EXOC4: variants seen among roughly 807,000 people sequenced by gnomAD.
EXOC4 encodes the protein SEC8-like 1.
EXOC4 carries 71 observed loss-of-function variants against 107.2 expected under a neutral mutation model. That is an observed-to-expected ratio of 0.66 (90% confidence interval 0.55 to 0.81). EXOC4 has a LOEUF of 0.81. Ranked by LOEUF, EXOC4 falls within the 30% of genes least tolerant of loss-of-function variation. The probability of loss-of-function intolerance (pLI) is 0.00; values close to 1 mark genes in which losing one functional copy is unlikely to be tolerated. For synonymous variants in EXOC4, 456 were observed against 441.2 expected (o/e 1.03, Z -0.42); for missense variants, 1,108 against 1,189.6 (o/e 0.93, Z 1.01).
intron 17 of EXOC4, among the ~76,000 whole-genome samples, chr7:134,045,880 C>A (rs1795638593): frequency 6.6e-6 from 1 of 152,120 alleles, no homozygotes; most frequent in African/African-American, 2.4e-5. Flanking sequence ...AATATTTAGT[C>A]TTTTGCGGCT....
intron 3 of EXOC4, among the ~76,000 whole-genome samples, chr7:133,301,723 C>T (rs1170386044): frequency 6.6e-6 from 1 of 152,076 alleles, no homozygotes; most frequent in East Asian, 1.9e-4. Context: ...TATTTCTATT[C>T]ACAAACAGTT....
At chr7:134,084,432 C>G in the EXOC4 span, among the ~76,000 whole-genome samples, 1 of 152,116 alleles carries the variant, frequency 6.6e-6, no homozygotes, top group Non-Finnish European at 1.5e-5. Flanking sequence ...GGTGGGGCAC[C>G]ATCAAGGCAA....
chr7:133,661,530 T>C (rs1296247095), intron 10 of EXOC4, among the ~76,000 whole-genome samples: 3 of 152,050 alleles, frequency 2.0e-5, no homozygotes, highest in African/African-American at 7.2e-5. Flanking sequence ...TGCTTATCGT[T>C]AGGGGCTGTA....
chr7:133,712,800 G>A (rs1024456396), intron 10 of EXOC4, among the ~76,000 whole-genome samples: 17 of 152,190 alleles, frequency 1.1e-4, no homozygotes, highest in African/African-American at 4.1e-4. Context: ...ACCAATACAT[G>A]CTACAACACG....
At chr7:133,581,858 GGAAA>G (rs1801284226) in intron 9 of EXOC4, among the ~76,000 whole-genome samples, 2 of 151,988 alleles carry the variant, frequency 1.3e-5, no homozygotes, top group African/African-American at 4.8e-5. Flanking sequence ...AGAGGCCTCA[GGAAA>G]CTGAGGCCTC....
chr7:133,482,283 C>G (rs1314336190), intron 9 of EXOC4, among the ~76,000 whole-genome samples: 1 of 152,160 alleles, frequency 6.6e-6, no homozygotes, highest in Admixed American at 6.5e-5. Context: ...ACATGCCCAC[C>G]TTCCTCCAGT....
intron 14 of EXOC4, among the ~76,000 whole-genome samples, chr7:133,942,706 G>A (rs1050981630): frequency 4.6e-5 from 7 of 152,054 alleles, no homozygotes; most frequent in African/African-American, 1.4e-4. Flanking sequence ...CGTTCATGCC[G>A]TATTCCTATT....
intron 5 of EXOC4, among the ~76,000 whole-genome samples, chr7:133,334,578 C>A (rs1481889495): frequency 6.6e-6 from 1 of 152,112 alleles, no homozygotes; most frequent in Non-Finnish European, 1.5e-5. Context: ...ACTCTAAGTT[C>A]AGGGGTACAT....
At chr7:133,394,946 A>C (rs1796937813) in intron 7 of EXOC4, among the ~76,000 whole-genome samples, 1 of 151,852 alleles carries the variant, frequency 6.6e-6, no homozygotes, top group Non-Finnish European at 1.5e-5. Flanking sequence ...AACTATAAAA[A>C]TATGAAATTA....
At chr7:133,594,070 C>G (rs780452693) in intron 9 of EXOC4, among the ~76,000 whole-genome samples, 54 of 152,170 alleles carry the variant, frequency 3.5e-4, no homozygotes, top group Non-Finnish European at 7.2e-4. Flanking sequence ...ATTGACCATT[C>G]TGAGTGTTAT....
intron 9 of EXOC4, among the ~76,000 whole-genome samples, chr7:133,621,157 A>C (rs889739000): frequency 6.6e-6 from 1 of 152,214 alleles, no homozygotes; most frequent in African/African-American, 2.4e-5. Flanking sequence ...AGGATGAGCT[A>C]TTATTAACCT....
chr7:133,673,540 T>G (rs1362154706), intron 10 of EXOC4, among the ~76,000 whole-genome samples: 1 of 152,206 alleles, frequency 6.6e-6, no homozygotes, highest in Non-Finnish European at 1.5e-5. Flanking sequence ...TGCTTTGTCT[T>G]GAAGTACTCT....
chr7:133,927,322 G>T (rs1800074381), intron 13 of EXOC4, among the ~76,000 whole-genome samples: 1 of 152,090 alleles, frequency 6.6e-6, no homozygotes, highest in South Asian at 2.1e-4. Flanking sequence ...ATCCAATTCA[G>T]ATTAAACAAT....
chr7:133,277,355 G>A (rs549632526), intron 2 of EXOC4, among the ~76,000 whole-genome samples: 184 of 152,340 alleles, frequency 1.2e-3, no homozygotes, highest in South Asian at 1.7e-3. Flanking sequence ...CAAAGGTGAA[G>A]GACCTCATGG....
At chr7:133,875,420 T>C (rs183961026) in intron 11 of EXOC4, among the ~76,000 whole-genome samples, 1 of 152,346 alleles carries the variant, frequency 6.6e-6, no homozygotes, top group Non-Finnish European at 1.5e-5. Flanking sequence ...CCTTCTGGTC[T>C]ATCCTTTTGT....
intron 17 of EXOC4, among the ~76,000 whole-genome samples, chr7:134,044,847 A>C (rs1795609821): frequency 6.6e-6 from 1 of 152,228 alleles, no homozygotes; most frequent in African/African-American, 2.4e-5. Flanking sequence ...TTGATGAGTC[A>C]ACATTTTTGT....
At chr7:133,729,397 A>G (rs528827956) in intron 10 of EXOC4, among the ~76,000 whole-genome samples, 27 of 152,284 alleles carry the variant, frequency 1.8e-4, no homozygotes, top group South Asian at 4.1e-4. Context: ...TCTTTAATCA[A>G]TGGGTTTGGA....
intron 7 of EXOC4, among the ~76,000 whole-genome samples, chr7:133,453,191 C>G (rs1798387684): frequency 1.3e-5 from 2 of 152,152 alleles, no homozygotes; most frequent in Non-Finnish European, 2.9e-5. Context: ...TATGTAAAGG[C>G]AGACATATAT....
rs1164004441 is a variant in EXOC4 at position 133,574,184 on chromosome 7, A to AGAGT, written c.1418-55859_1418-55856dup. Among the ~76,000 whole-genome samples, 6 of 152,268 alleles carry AGAGT rather than the reference A, an allele frequency of 3.9e-5. No homozygotes were observed. In the South Asian group the frequency reaches 1.2e-3, roughly 32 times the overall value. On this transcript the variant is annotated intron_variant, in intron 9 of 17. Coordinates refer to ENST00000253861, the MANE Select transcript of EXOC4 (RefSeq NM_021807.4). ...AGAAGTAGCTCTGGCTCTTGAAAAGAGAGTGTGTGTGTATGTTTGTGCACA... is the reference window on the plus strand; with the variant it reads ...AGAAGTAGCTCTGGCTCTTGAAAAGAGAGTGAGTGTGTGTGTATGTTTGTGCACA...
Sources: gnomAD v4.1 joint callset for allele counts (sites outside exome capture counted in the v4.1 genomes callset) on GRCh38, gnomAD v4.1.1 for gene constraint, MANE v1.5 for transcripts, NCBI Gene and HGNC (gene_info 2026-07-23, HGNC 2026-07-21) for gene names.